NRDE2: variants seen among roughly 807,000 people sequenced by gnomAD.
NRDE2 encodes nuclear exosome regulator NRDE2.
In NRDE2, 76 loss-of-function variants were observed where a neutral mutation model predicts 124.2. That is an observed-to-expected ratio of 0.61 (90% CI 0.51 to 0.74). The LOEUF is 0.74. NRDE2 is among the 30% of genes least tolerant of loss of function. The probability of loss-of-function intolerance (pLI) is 0.00; values close to 1 mark genes in which losing one functional copy is unlikely to be tolerated. For synonymous variants in NRDE2, 489 were observed against 528.1 expected (o/e 0.93, Z 1.01); for missense variants, 1,314 against 1,417.3 (o/e 0.93, Z 1.17).
At chr14:90,309,309 G>C (rs949289219) in intron 4 of NRDE2, among the ~76,000 whole-genome samples, 28 of 148,072 alleles carry the variant, frequency 1.9e-4, no homozygotes, top group African/African-American at 2.5e-4. Flanking sequence ...GTGGCATACG[G>C]GAAAAAAAAA....
rs758038357 is a variant in NRDE2, at chr14:90,301,246, T to C, written c.1538A>G (p.Lys513Arg). 6.2e-7 allele frequency: 1 copy of C among 1,613,482 alleles called. No individual in the cohort carries two copies. Among genetic ancestry groups the C allele is most frequent in the South Asian group, 1.1e-5 (1 of 91,064 alleles). The change falls in exon 7 of 14, where the codon AAA becomes AGA. Residue 513 changes from lysine to arginine, a missense_variant. Lys to Arg is a conservative substitution (Grantham distance 26, BLOSUM62 2). Transcript: ENST00000354366. ...KPDSVKDLPT[K>R]GQVEFFEPFW... ...GCGAGCAGAGCTGGGTACCTGTCCT[T>C]TGGTAGGCAGATCTTTCACGCTGTC...
Position 90,288,327 on chromosome 14 carries a change from T to G in NRDE2, c.3048A>C (p.Lys1016Asn), listed in dbSNP as rs979673955. 5 of 1,614,024 alleles carry G rather than the reference T, an allele frequency of 3.1e-6. No individual in the cohort carries two copies. The African/African-American group carries it at 5.3e-5, about 17-fold the overall frequency. Residue 1016 changes from lysine (K) to asparagine (N), a missense_variant, in exon 11 of 14, where the codon AAA (lysine) becomes AAC (asparagine). Physicochemically the swap from Lys to Asn is moderately conservative, Grantham distance 94. Transcript: ENST00000354366. ...QIQNKSHSAS[K>N]TRRFFDTITR... Reference sequence around the variant, plus strand: ...TGATTGTGTCAAAAAATCTCCTGGTTTTGCTGGCACTGTGGGACTTATTCT... The same window carrying G: ...TGATTGTGTCAAAAAATCTCCTGGTGTTGCTGGCACTGTGGGACTTATTCT...
intron 7 of NRDE2, among the ~76,000 whole-genome samples, chr14:90,300,699 C>G (rs921716214): frequency 6.7e-6 from 1 of 148,896 alleles, no homozygotes; most frequent in East Asian, 2.0e-4. Context: ...GCAACTCTAG[C>G]GAAGATTGTG....
At chr14:90,316,168 A>G (rs1258345467) in intron 3 of NRDE2, among the ~76,000 whole-genome samples, 1 of 152,194 alleles carries the variant, frequency 6.6e-6, no homozygotes, top group Non-Finnish European at 1.5e-5. Flanking sequence ...TCATGTATAC[A>G]CACAGGAGTT....
Position 90,302,917 on chromosome 14 carries a change from T to C in NRDE2, c.1214A>G (p.Gln405Arg). The change falls in exon 6 of 14, where the codon CAG (glutamine) becomes CGG (arginine). Residue 405 changes from glutamine (Q) to arginine (R), a missense_variant. Transcript: ENST00000354366. ...ATTGGGATGCAAAAATATCAGTTTC[T>C]GCCACTCTTTGACCAGAGTGGAGGG... is the stretch of plus-strand genomic sequence containing the variant. ...WEPSTLVKEW[Q>R]KLIFLHPNNT... 1 of 1,614,130 alleles carries C rather than the reference T, an allele frequency of 6.2e-7. No individual in the cohort carries two copies. The highest frequency in any genetic ancestry group is 8.5e-7 in the Non-Finnish European group (1 of 1,180,038).
chr14:90,320,480 G>A (rs765642012), intron 1 of NRDE2, among the ~76,000 whole-genome samples: 2 of 152,202 alleles, frequency 1.3e-5, no homozygotes, highest in Non-Finnish European at 2.9e-5. Flanking sequence ...GACACATGGG[G>A]ATTATAGGGA....
At chr14:90,278,896 G>T in intron 13 of NRDE2, 166 bp downstream of exon 13, 1 of 671,308 alleles carries the variant, frequency 1.5e-6, no homozygotes, top group Non-Finnish European at 2.7e-6. Context: ...CTCCACAGGG[G>T]ACAGTTTCAC....
chr14:90,286,523 A>G, intron 11 of NRDE2, 31 bp from the exon 12 acceptor site: 1 of 1,604,526 alleles, frequency 6.2e-7, no homozygotes, highest in Non-Finnish European at 8.5e-7. Flanking sequence ...TGACTCTGAC[A>G]CAAGCTCTCT....
In NRDE2 at chr14:90,331,818, C is replaced by T. The variant is rs551727972; in HGVS notation, c.64+23G>A. On this transcript the variant is annotated intron_variant, in intron 1 of 13. Coordinates refer to ENST00000354366, the MANE Select transcript of NRDE2 (RefSeq NM_017970.4). ...GCCTCTTAAGCCCCCCAGGTGCCTT[C>T]TTCGGCTCGTTTGTGTGCTTACCTT... The T allele has an allele frequency of 7.6e-5, 123 of 1,613,992 alleles. No individual in the cohort carries two copies. In the South Asian group the frequency reaches 1.3e-3, roughly 17 times the overall value.
chr14:90,324,738 C>T (rs1394998610), intron 1 of NRDE2, among the ~76,000 whole-genome samples: 1 of 151,734 alleles, frequency 6.6e-6, no homozygotes, highest in Non-Finnish European at 1.5e-5. Context: ...AATCCTGACT[C>T]TGTGACTTAC....
Position 90,269,633 on chromosome 14 carries a change from T to C in NRDE2, c.*8703A>G. ...GTGCTTTGGGAGGCCTATAAAATGA[T>C]ACATAAAAAAGCAAATACTGCAGTG... On this transcript the variant is annotated 3_prime_UTR_variant, in exon 14 of 14. Coordinates refer to ENST00000354366, the MANE Select transcript of NRDE2 (RefSeq NM_017970.4). The C allele has an allele frequency of 4.8e-6, 7 of 1,466,972 alleles. No individual in the cohort carries two copies. The highest frequency in any genetic ancestry group is 6.5e-6 in the Non-Finnish European group (7 of 1,081,774). 90.9% of individuals were successfully genotyped at this position (1,466,972 alleles called of 1,614,324 possible).
chr14:90,300,155 G>A lies in NRDE2; in HGVS notation c.1545+1084C>T, dbSNP rs1237152481. Among the ~76,000 whole-genome samples the A allele has an allele frequency of 6.6e-4, 101 of 152,128 alleles. 1 individual carries two copies. Among genetic ancestry groups the A allele is most frequent in the Admixed American group, 6.6e-3 (101 of 15,272 alleles). On this transcript the variant is annotated intron_variant, in intron 7 of 13. Transcript: ENST00000354366. ...CTTATCACAGAGGGTCTTAGGAAAGGGGCAGGGGGAGGGGGTGAGAGAAAT... is the reference window on the plus strand; with the variant it reads ...CTTATCACAGAGGGTCTTAGGAAAGAGGCAGGGGGAGGGGGTGAGAGAAAT...
At chr14:90,299,143 C>T (rs1442095623) in intron 7 of NRDE2, among the ~76,000 whole-genome samples, 1 of 152,074 alleles carries the variant, frequency 6.6e-6, no homozygotes, top group African/African-American at 2.4e-5. Context: ...CCTCCCCGGG[C>T]TCAAGCAATT....
chr14:90,304,146 A>C lies in NRDE2; in HGVS notation c.794T>G (p.Val265Gly). 6.2e-7 allele frequency: 1 copy of C among 1,614,200 alleles called. No individual in the cohort carries two copies. The highest frequency in any genetic ancestry group is 8.5e-7 in the Non-Finnish European group (1 of 1,180,034). The change falls in exon 5 of 14, where the codon GTT becomes GGT. Residue 265 changes from valine (V) to glycine (G), a missense_variant. Val to Gly is a moderately radical substitution (Grantham distance 109). Transcript: ENST00000354366. ...CCCCAGAGGATTCAACCAGGTTGTA[A>C]CAGGAGCCGCATCTTCCAAGTCCTT... ...PVKDLEDAAP[V>G]TTWLNPLGIY...
chr14:90,331,794 C>T, intron 1 of NRDE2, 47 bp downstream of exon 1: 1 of 1,594,786 alleles, frequency 6.3e-7, no homozygotes, highest in Non-Finnish European at 8.6e-7. Flanking sequence ...CGAGAAACAG[C>T]CTCTTAAGCC....
Position 90,302,736 on chromosome 14 carries a change from C to T in NRDE2, c.1395G>A (p.Thr465=), listed in dbSNP as rs554421843. ...SILSHPALPG[T]EEAMFALFLQ... The stretch of plus-strand genomic sequence containing the variant: ...TCTCCTTACCAAACATGGCCTCTTC[C>T]GTGCCAGGCAACGCAGGGTGAGATA... The change falls in exon 6 of 14, where the codon ACG becomes ACA. Residue 465 remains threonine, a synonymous_variant. Coordinates refer to ENST00000354366, the MANE Select transcript of NRDE2 (RefSeq NM_017970.4). The T allele has an allele frequency of 1.4e-5, 22 of 1,608,724 alleles. No homozygotes were observed. The highest frequency in any genetic ancestry group is 4.0e-5 in the African/African-American group (3 of 74,748).
At chr14:90,314,832 A>C (rs1884978698) in intron 3 of NRDE2, among the ~76,000 whole-genome samples, 1 of 152,174 alleles carries the variant, frequency 6.6e-6, no homozygotes, top group African/African-American at 2.4e-5. Flanking sequence ...ATTCAGTCAA[A>C]TTCAGAACCT....
intron 12 of NRDE2, chr14:90,281,144 T>C (rs4559843): frequency 0.26 from 39,796 of 152,362 alleles, 5,700 homozygotes; most frequent in Middle Eastern, 0.42. Flanking sequence ...AACAAGATGC[T>C]GGCCGGACAC....
rs1276716640 is a variant in NRDE2 at position 90,304,275 on chromosome 14, C to T, written c.665G>A (p.Arg222His). ...EKKHSRKQVERYFTKKSVGLM... is the reference protein window; with the variant it reads ...EKKHSRKQVEHYFTKKSVGLM... ...TCCCACACTCTTCTTAGTAAAATAG[C>T]GTTCAACCTGCTTGCGTGAATGCTT... The change falls in exon 5 of 14, where the codon CGC (arginine) becomes CAC (histidine). Residue 222 changes from arginine to histidine, a missense_variant. Coordinates refer to ENST00000354366, the MANE Select transcript of NRDE2 (RefSeq NM_017970.4). The T allele has an allele frequency of 2.5e-6, 4 of 1,614,134 alleles. No individual in the cohort carries two copies. The East Asian group carries it at 6.7e-5, about 27-fold the overall frequency.
Sources: gnomAD v4.1 joint callset for allele counts (sites outside exome capture counted in the v4.1 genomes callset) on GRCh38, gnomAD v4.1.1 for gene constraint, MANE v1.5 for transcripts, NCBI Gene and HGNC (gene_info 2026-07-23, HGNC 2026-07-21) for gene names.